The following TAS2R1 variants were observed in gnomAD, a reference collection of about 807,000 sequenced individuals.
TAS2R1 encodes taste 2 receptor member 1.
For missense variants in TAS2R1, 370 were observed against 353.4 expected, an observed-to-expected ratio of 1.05 and a Z score of -0.38; for synonymous variants, 141 against 134.2, an observed-to-expected ratio of 1.05 and a Z score of -0.35.
chr5:9,700,562 T>A (rs147218762), intron 1 of TAS2R1, among the ~76,000 whole-genome samples: 1 of 152,138 alleles, frequency 6.6e-6, no homozygotes, highest in African/African-American at 2.4e-5. Flanking sequence ...CAAATCTATA[T>A]CGCATGATCA....
chr5:9,780,917 T>C, the TAS2R1 span, among the ~76,000 whole-genome samples: 3 of 152,220 alleles, frequency 2.0e-5, no homozygotes, highest in Admixed American at 6.5e-5. Flanking sequence ...TGAATTCTGC[T>C]TCAAGACTGC....
the TAS2R1 span, among the ~76,000 whole-genome samples, chr5:9,830,716 T>C: frequency 1.3e-5 from 2 of 152,296 alleles, no homozygotes; most frequent in Admixed American, 6.5e-5. Context: ...GCCTACCTGA[T>C]ACCAAAGTAA....
At chr5:9,652,842 ATTTAC>A (rs1034837272) in intron 2 of TAS2R1, among the ~76,000 whole-genome samples, 105 of 152,212 alleles carry the variant, frequency 6.9e-4, no homozygotes, top group African/African-American at 2.3e-3. Context: ...CTTCTGTTGC[ATTTAC>A]TTTTCTAAAA....
chr5:9,774,283 A>C, the TAS2R1 span, among the ~76,000 whole-genome samples: 1 of 152,120 alleles, frequency 6.6e-6, no homozygotes, highest in African/African-American at 2.4e-5. Flanking sequence ...TAATTATTTC[A>C]GTCTCTTTGT....
At chr5:9,777,328 G>C in the TAS2R1 span, among the ~76,000 whole-genome samples, 1 of 152,214 alleles carries the variant, frequency 6.6e-6, no homozygotes, top group African/African-American at 2.4e-5. Context: ...TTTTGTGGTT[G>C]TTTCAATAAT....
At chr5:9,756,245 G>C in the TAS2R1 span, among the ~76,000 whole-genome samples, 1 of 152,148 alleles carries the variant, frequency 6.6e-6, no homozygotes, top group East Asian at 1.9e-4. Context: ...TTACGCGAGA[G>C]CCTTCAGGGA....
the TAS2R1 span, among the ~76,000 whole-genome samples, chr5:9,736,216 C>G: frequency 6.6e-6 from 1 of 152,234 alleles, no homozygotes; most frequent in African/African-American, 2.4e-5. Context: ...CTTCCCATGG[C>G]AAAGTCAGAA....
chr5:9,755,419 TCTA>T, the TAS2R1 span, among the ~76,000 whole-genome samples: 3 of 151,784 alleles, frequency 2.0e-5, no homozygotes, highest in Non-Finnish European at 2.9e-5. Context: ...GAAACCTGTC[TCTA>T]CTAAAATACA....
At chr5:9,680,890 TAAAAATAAAA>T (rs1740981061) in intron 1 of TAS2R1, among the ~76,000 whole-genome samples, 1 of 151,502 alleles carries the variant, frequency 6.6e-6, no homozygotes, top group Admixed American at 6.6e-5. Context: ...CTGTCTCTAC[TAAAAATAAAA>T]AAAAATAAAA....
rs369191327 is a variant in TAS2R1 at position 9,666,244 on chromosome 5, CTAAT to C, written c.-241-6667_-241-6664del. 3.3e-3 allele frequency among the ~76,000 whole-genome samples: 503 copies of C among 152,218 alleles called. 2 individuals carry two copies. The highest frequency in any genetic ancestry group is 0.024 in the Middle Eastern group (7 of 294). On this transcript the variant is annotated intron_variant, in intron 1 of 2. Transcript: ENST00000506620. ...CTCTGACTGGAAGCAAAATCAAAAT[CTAAT>C]TAAGAAAGAGTTACAACAATCTCCA... is the stretch of plus-strand genomic sequence containing the variant.
chr5:9,653,425 C>A (rs1321476578), intron 2 of TAS2R1, among the ~76,000 whole-genome samples: 2 of 152,142 alleles, frequency 1.3e-5, no homozygotes, highest in African/African-American at 2.4e-5. Context: ...TTGATGGATG[C>A]TTGGTTTACT....
intron 2 of TAS2R1, among the ~76,000 whole-genome samples, chr5:9,647,937 C>A (rs1338686923): frequency 6.6e-6 from 1 of 152,062 alleles, no homozygotes; most frequent in Non-Finnish European, 1.5e-5. Flanking sequence ...GGCTTTTAGT[C>A]AACTTTATTT....
intron 2 of TAS2R1, among the ~76,000 whole-genome samples, chr5:9,656,239 T>C (rs1488612601): frequency 6.6e-6 from 1 of 152,174 alleles, no homozygotes; most frequent in Non-Finnish European, 1.5e-5. Flanking sequence ...TAAAGAAAAT[T>C]ATCGAGTATC....
At chr5:9,890,341 C>T in the TAS2R1 span, among the ~76,000 whole-genome samples, 1 of 152,218 alleles carries the variant, frequency 6.6e-6, no homozygotes, top group Non-Finnish European at 1.5e-5. Context: ...CACTTTCCTG[C>T]TCTAACACTT....
chr5:9,700,462 TATTTTCCACCCATGCACCCC>T (rs1055106159), intron 1 of TAS2R1, among the ~76,000 whole-genome samples: 20 of 152,142 alleles, frequency 1.3e-4, no homozygotes, highest in African/African-American at 3.6e-4. Context: ...ACCCATTTTC[TATTTTCCACCCATGCACCCC>T]ATTTTCCACC....
upstream of TAS2R1, among the ~76,000 whole-genome samples, chr5:9,712,628 C>T (rs1373340147): frequency 6.6e-6 from 1 of 152,202 alleles, no homozygotes; most frequent in African/African-American, 2.4e-5. Flanking sequence ...ACAACACCAA[C>T]TCATACCTGA....
rs140220629 is a variant in TAS2R1, at chr5:9,629,872, G to C, written c.161C>G (p.Ser54Cys). The C allele has an allele frequency of 1.2e-6, 2 of 1,613,620 alleles. No homozygotes were observed. The highest frequency in any genetic ancestry group is 2.7e-5 in the African/African-American group (2 of 74,844). Reference sequence around the variant, plus strand: ...GATGAACAACTGCAGAAAAATTCTAGAAACTGCCAGACAAGAAAGAAGGAG... The same window carrying C: ...GATGAACAACTGCAGAAAAATTCTACAAACTGCCAGACAAGAAAGAAGGAG... ...LDLLLSCLAV[S>C]RIFLQLFIFY... The change falls in exon 1 of 1, where the codon TCT becomes TGT. Residue 54 changes from serine to cysteine, a missense_variant. Ser to Cys is a moderately radical substitution (Grantham distance 112, BLOSUM62 -1). Coordinates refer to ENST00000382492, the MANE Select transcript of TAS2R1 (RefSeq NM_019599.3).
At chr5:9,833,928 TC>T in the TAS2R1 span, among the ~76,000 whole-genome samples, 1 of 152,198 alleles carries the variant, frequency 6.6e-6, no homozygotes, top group Non-Finnish European at 1.5e-5. Flanking sequence ...CCCTGAGGCA[TC>T]AGTGTTGGCT....
intron 1 of TAS2R1, among the ~76,000 whole-genome samples, chr5:9,703,121 G>C (rs768437831): frequency 6.6e-6 from 1 of 152,142 alleles, no homozygotes; most frequent in African/African-American, 2.4e-5. Context: ...TGAGATTCTG[G>C]TCAGTGCCCA....
Sources: gnomAD v4.1 joint callset for allele counts (sites outside exome capture counted in the v4.1 genomes callset) on GRCh38, gnomAD v4.1.1 for gene constraint, MANE v1.5 for transcripts, NCBI Gene and HGNC (gene_info 2026-07-23, HGNC 2026-07-21) for gene names.